Variants in RARS2 observed in about 807,000 individuals in gnomAD.
RARS2 encodes the protein probable arginine--tRNA ligase, mitochondrial.
A neutral mutation model predicts 88.5 loss-of-function variants in RARS2; 67 were observed. The ratio of observed to expected loss-of-function variants is 0.76; its 90% CI spans 0.62 to 0.93. The LOEUF (loss-of-function observed/expected upper bound fraction) is 0.93. Ranked by LOEUF, RARS2 falls within the 40% of genes least tolerant of loss-of-function variation. The pLI is 0.00. For synonymous variants in RARS2, 239 were observed against 230.3 expected, an observed-to-expected ratio of 1.04 and a Z score of -0.34; for missense variants, 664 against 684.2, an observed-to-expected ratio of 0.97 and a Z score of 0.33.
chr6:87,519,552 T>G (rs1773150767), intron 14 of RARS2, 31 bp downstream of exon 14: 1 of 1,595,966 alleles, frequency 6.3e-7, no homozygotes. Context: ...GCACGTAAGT[T>G]ATGACTTTAA....
intron 4 of RARS2, among the ~76,000 whole-genome samples, chr6:87,557,134 G>A (rs1444042246): frequency 6.6e-6 from 1 of 152,036 alleles, no homozygotes; most frequent in Non-Finnish European, 1.5e-5. Context: ...TACAGTACCC[G>A]TTGTCTTTAA....
chr6:87,517,482 A>C (rs1426932426), intron 17 of RARS2, among the ~76,000 whole-genome samples: 2 of 152,206 alleles, frequency 1.3e-5, no homozygotes, highest in Non-Finnish European at 2.9e-5. Flanking sequence ...TAAAATATAA[A>C]TTAGCAAAGT....
intron 2 of RARS2, among the ~76,000 whole-genome samples, chr6:87,566,055 G>A (rs539829514): frequency 1.3e-5 from 2 of 152,284 alleles, no homozygotes; most frequent in South Asian, 4.1e-4. Context: ...GCCCATGCCT[G>A]TAATTCCAAC....
chr6:87,563,566 T>C (rs761588668), intron 3 of RARS2, among the ~76,000 whole-genome samples: 1 of 152,218 alleles, frequency 6.6e-6, no homozygotes, highest in Non-Finnish European at 1.5e-5. Context: ...AATAACCTTG[T>C]CCAACATTAT....
intron 2 of RARS2, 135 bp from the exon 3 acceptor site, chr6:87,564,367 A>G: frequency 1.4e-6 from 1 of 739,682 alleles, no homozygotes; most frequent in Non-Finnish European, 2.3e-6. Context: ...TTTCAAAATT[A>G]AAAGCAAGGG....
At chr6:87,519,876 C>T (rs1773288284) in intron 13 of RARS2, among the ~76,000 whole-genome samples, 169 bp from the exon 14 acceptor site, 1 of 152,186 alleles carries the variant, frequency 6.6e-6, no homozygotes, top group South Asian at 2.1e-4. Flanking sequence ...TTAAGCACAG[C>T]TTCACTTTAT....
chr6:87,544,572 G>C (rs1379712180), intron 7 of RARS2, among the ~76,000 whole-genome samples: 1 of 152,180 alleles, frequency 6.6e-6, no homozygotes, highest in African/African-American at 2.4e-5. Context: ...AATGATACTA[G>C]AGCTGTTTCT....
chr6:87,535,652 T>C (rs1431111370), intron 8 of RARS2, among the ~76,000 whole-genome samples: 1 of 151,444 alleles, frequency 6.6e-6, no homozygotes, highest in Middle Eastern at 3.4e-3. Flanking sequence ...TTTTATACTA[T>C]TTGTGTTATT....
At chr6:87,549,956 G>C (rs1411921886) in intron 5 of RARS2, among the ~76,000 whole-genome samples, 1 of 152,064 alleles carries the variant, frequency 6.6e-6, no homozygotes, top group African/African-American at 2.4e-5. Flanking sequence ...TTTAAAAAAA[G>C]ATAAATTAAC....
rs540314036 is a variant in RARS2, at chr6:87,531,864, C to T, written c.613-922G>A. ...ATGGACAAATATTTACAAATTGTAA[C>T]TCACCTGCAGGTTGAAACATCAATG... On this transcript the variant is annotated intron_variant, in intron 8 of 19. Transcript: ENST00000369536. Among the ~76,000 whole-genome samples the T allele has an allele frequency of 9.2e-5, 14 of 152,256 alleles. No homozygotes were observed. The South Asian group carries it at 2.3e-3, about 25-fold the overall frequency.
At chr6:87,564,101 G>C (rs757210135) in intron 3 of RARS2, 29 bp downstream of exon 3, 1 of 1,509,750 alleles carries the variant, frequency 6.6e-7, no homozygotes, top group Admixed American at 1.7e-5. Flanking sequence ...TTATTACAAT[G>C]TCAAAAAGAG....
chr6:87,540,631 G>C (rs1408747907), intron 8 of RARS2, among the ~76,000 whole-genome samples: 1 of 152,074 alleles, frequency 6.6e-6, no homozygotes, highest in Non-Finnish European at 1.5e-5. Flanking sequence ...TGTTTAGTCT[G>C]ATCCCCTGAT....
intron 2 of RARS2, chr6:87,564,683 A>G (rs926275835): frequency 2.0e-5 from 5 of 255,616 alleles, no homozygotes; most frequent in Admixed American, 5.0e-5. Context: ...AAAGTAAATA[A>G]AATAAAATAA....
chr6:87,585,804 G>A (rs142495234), intron 1 of RARS2, among the ~76,000 whole-genome samples: 5 of 151,984 alleles, frequency 3.3e-5, no homozygotes, highest in African/African-American at 4.8e-5. Context: ...TAAAAAATAC[G>A]TATAAAACAG....
chr6:87,583,623 G>C (rs1005134685), intron 1 of RARS2, among the ~76,000 whole-genome samples: 14 of 151,124 alleles, frequency 9.3e-5, no homozygotes, highest in Non-Finnish European at 1.6e-4. Flanking sequence ...CTGAATTTAA[G>C]TTTAATGAGC....
At chr6:87,565,978 A>T (rs6907499) in intron 2 of RARS2, among the ~76,000 whole-genome samples, 5,692 of 152,282 alleles carry the variant, frequency 0.037, 347 homozygotes, top group African/African-American at 0.13. Context: ...GACCATTAAG[A>T]ATTCTCCTGA....
chr6:87,578,039 T>C (rs1364086810), intron 1 of RARS2, among the ~76,000 whole-genome samples: 3 of 152,048 alleles, frequency 2.0e-5, no homozygotes, highest in Admixed American at 2.0e-4. Context: ...TCCGAATACT[T>C]TGGGAGGTCG....
chr6:87,589,648 G>C (rs1188309605), intron 1 of RARS2: 1 of 984,212 alleles, frequency 1.0e-6, no homozygotes, highest in Non-Finnish European at 1.2e-6. Context: ...CCGCCACCCA[G>C]GTAAAGCATT....
At chr6:87,588,760 G>A (rs1487353172) in intron 1 of RARS2, among the ~76,000 whole-genome samples, 1 of 152,120 alleles carries the variant, frequency 6.6e-6, no homozygotes, top group African/African-American at 2.4e-5. Flanking sequence ...TTAAACCGCT[G>A]TATCAGATCA....
Sources: gnomAD v4.1 joint callset for allele counts (sites outside exome capture counted in the v4.1 genomes callset) on GRCh38, gnomAD v4.1.1 for gene constraint, MANE v1.5 for transcripts, NCBI Gene and HGNC (gene_info 2026-07-23, HGNC 2026-07-21) for gene names.